The following AASDH variants were observed in gnomAD, a reference collection of about 807,000 sequenced individuals.
AASDH encodes beta-alanine-activating enzyme.
Under a neutral mutation model 102.3 loss-of-function variants are expected in AASDH, and 81 were observed. The ratio of observed to expected loss-of-function variants is 0.79; its 90% CI spans 0.66 to 0.95. AASDH has a LOEUF of 0.95. Ranked by LOEUF, AASDH falls within the 40% of genes least tolerant of loss-of-function variation. The pLI is 0.00. For synonymous variants in AASDH, 398 were observed against 454.0 expected (o/e 0.88, Z 1.57); for missense variants, 1,203 against 1,266.2 (o/e 0.95, Z 0.76).
rs144822669 is a variant in AASDH at position 56,349,273 on chromosome 4, A to G, written c.2478T>C (p.Phe826=). The change falls in exon 11 of 15, where the codon TTT becomes TTC. Residue 826 remains phenylalanine, a synonymous_variant. Transcript: ENST00000205214. ...AATTCAAAAACTTACCCACCACAATAAAGTTTCCACACTTAGATACACATG... is the reference window on the plus strand; with the variant it reads ...AATTCAAAAACTTACCCACCACAATGAAGTTTCCACACTTAGATACACATG... ...SSACVSKCGN[F]IVVGCYNGLV... is the part of the protein sequence containing the mutation. 4.9e-5 allele frequency: 79 copies of G among 1,614,064 alleles called. No individual in the cohort carries two copies. In the African/African-American group the frequency reaches 9.2e-4, roughly 19 times the overall value.
intron 5 of AASDH, among the ~76,000 whole-genome samples, chr4:56,367,905 A>C (rs1212276805): frequency 6.6e-6 from 1 of 152,070 alleles, no homozygotes; most frequent in Non-Finnish European, 1.5e-5. Context: ...GCACAGCAAA[A>C]GAAACTACCA....
chr4:56,382,673 G>A, intron 2 of AASDH, 76 bp from the exon 3 acceptor site: 1 of 1,488,082 alleles, frequency 6.7e-7, no homozygotes, highest in Non-Finnish European at 9.1e-7. Flanking sequence ...ATTTCTCTAT[G>A]CACTTTATTT....
intron 5 of AASDH, among the ~76,000 whole-genome samples, chr4:56,365,406 C>A (rs528573984): frequency 1.3e-5 from 2 of 152,200 alleles, no homozygotes; most frequent in South Asian, 4.2e-4. Context: ...CCCAAATCAA[C>A]AGAATATACA....
chr4:56,384,933 G>C (rs1316512222), intron 1 of AASDH, among the ~76,000 whole-genome samples: 3 of 152,082 alleles, frequency 2.0e-5, no homozygotes, highest in African/African-American at 4.8e-5. Context: ...AATTAGCCGG[G>C]CAAGGTGGCA....
chr4:56,386,824 G>GA (rs1296427791), intron 1 of AASDH, among the ~76,000 whole-genome samples: 92 of 118,604 alleles, frequency 7.8e-4, no homozygotes, highest in South Asian at 4.8e-3. Context: ...AAAAAAAAAG[G>GA]AAAAAAAAAA....
chr4:56,381,452 C>T (rs561415658), intron 3 of AASDH, among the ~76,000 whole-genome samples: 1 of 151,908 alleles, frequency 6.6e-6, no homozygotes, highest in South Asian at 2.1e-4. Context: ...GTGGCATGCA[C>T]CTGTAATTCC....
chr4:56,345,882 A>C (rs900995871), intron 11 of AASDH, among the ~76,000 whole-genome samples: 1 of 152,260 alleles, frequency 6.6e-6, no homozygotes, highest in African/African-American at 2.4e-5. Flanking sequence ...GTACTATTAT[A>C]ACCACATTTT....
chr4:56,367,254 G>A (rs1220383309), intron 5 of AASDH, among the ~76,000 whole-genome samples: 1 of 151,610 alleles, frequency 6.6e-6, no homozygotes, highest in African/African-American at 2.4e-5. Flanking sequence ...CATGCTCATG[G>A]GTAGGAAGAA....
At chr4:56,339,100 C>G (rs972406038) in intron 14 of AASDH, among the ~76,000 whole-genome samples, 3 of 152,040 alleles carry the variant, frequency 2.0e-5, no homozygotes, top group Non-Finnish European at 4.4e-5. Context: ...ACACTGAGTT[C>G]AAAGGTAAAA....
At chr4:56,383,472 GAC>G (rs1301028245) in intron 2 of AASDH, among the ~76,000 whole-genome samples, 2 of 152,096 alleles carry the variant, frequency 1.3e-5, no homozygotes. Context: ...AATTTACTAA[GAC>G]ACATATTATA....
chr4:56,384,041 A>C (rs555217227), intron 2 of AASDH, 29 bp downstream of exon 2: 1 of 1,569,426 alleles, frequency 6.4e-7, no homozygotes, highest in African/African-American at 1.4e-5. Context: ...TTGGAGTAAC[A>C]TCAAATTTAC....
chr4:56,371,948 C>A (rs1255742484), intron 4 of AASDH, among the ~76,000 whole-genome samples: 2 of 152,086 alleles, frequency 1.3e-5, no homozygotes, highest in Non-Finnish European at 2.9e-5. Flanking sequence ...TAGTATGTTT[C>A]CTGTTAGGGA....
chr4:56,357,368 C>T (rs1341005522), intron 5 of AASDH, among the ~76,000 whole-genome samples: 3 of 152,118 alleles, frequency 2.0e-5, no homozygotes, highest in Non-Finnish European at 4.4e-5. Context: ...GAGCACTAAT[C>T]TCATTCATGA....
Position 56,342,971 on chromosome 4 carries a change from C to A in AASDH, c.2776-5G>T. 6.4e-7 allele frequency: 1 copy of A among 1,567,664 alleles called. No individual in the cohort carries two copies. The highest frequency in any genetic ancestry group is 1.2e-5 in the South Asian group (1 of 84,648). ...CCAAATAACGTTCCCAGTAGCCTGTCACAGGAAAAAGCAATTCACAGCATT... is the reference window on the plus strand; with the variant it reads ...CCAAATAACGTTCCCAGTAGCCTGTAACAGGAAAAAGCAATTCACAGCATT... On this transcript the variant is annotated splice_region_variant and splice_polypyrimidine_tract_variant and intron_variant, in intron 13 of 14. Transcript: ENST00000205214.
chr4:56,339,764 A>AAAAT, intron 14 of AASDH, among the ~76,000 whole-genome samples: 1 of 151,602 alleles, frequency 6.6e-6, no homozygotes, highest in Non-Finnish European at 1.5e-5. Context: ...AAAAAAAAAA[A>AAAAT]ATTGAGACCA....
intron 11 of AASDH, among the ~76,000 whole-genome samples, chr4:56,347,837 T>TA: frequency 6.6e-6 from 1 of 152,194 alleles, no homozygotes; most frequent in Non-Finnish European, 1.5e-5. Context: ...AAAAGCTTGA[T>TA]AAAAGATTCT....
At chr4:56,366,101 A>G (rs998662975) in intron 5 of AASDH, among the ~76,000 whole-genome samples, 2 of 152,236 alleles carry the variant, frequency 1.3e-5, no homozygotes, top group Admixed American at 6.5e-5. Context: ...CCTCTATGCA[A>G]ATAAACTAGA....
intron 5 of AASDH, among the ~76,000 whole-genome samples, chr4:56,365,184 A>G (rs1750834941): frequency 6.6e-6 from 1 of 152,150 alleles, no homozygotes; most frequent in Admixed American, 6.5e-5. Context: ...CTAAATATAT[A>G]TGCACCCAAT....
At chr4:56,362,582 C>G (rs898762851) in intron 5 of AASDH, among the ~76,000 whole-genome samples, 1 of 152,042 alleles carries the variant, frequency 6.6e-6, no homozygotes, top group Non-Finnish European at 1.5e-5. Context: ...CATTTAAGAG[C>G]CCTGCTTCAT....
Sources: gnomAD v4.1 joint callset for allele counts (sites outside exome capture counted in the v4.1 genomes callset) on GRCh38, gnomAD v4.1.1 for gene constraint, MANE v1.5 for transcripts, NCBI Gene and HGNC (gene_info 2026-07-23, HGNC 2026-07-21) for gene names.